The following IGSF21 variants were observed in gnomAD, a reference collection of about 807,000 sequenced individuals.
IGSF21 encodes immunoglobin superfamily member 21.
Under a neutral mutation model 46.8 loss-of-function variants are expected in IGSF21, and 28 were observed. The observed-to-expected ratio is 0.60, with a 90% CI of 0.44 to 0.82. The LOEUF is 0.82. IGSF21 is among the 40% of genes least tolerant of loss of function. The pLI, the probability that IGSF21 is intolerant of heterozygous loss-of-function variation, is 0.00. For synonymous variants in IGSF21, 284 were observed against 273.6 expected, an observed-to-expected ratio of 1.04 and a Z score of -0.38; for missense variants, 624 against 665.5, an observed-to-expected ratio of 0.94 and a Z score of 0.69.
intron 3 of IGSF21, among the ~76,000 whole-genome samples, chr1:18,318,394 C>G (rs1264882404): frequency 1.3e-5 from 2 of 152,170 alleles, no homozygotes; most frequent in South Asian, 2.1e-4. Flanking sequence ...AATGTACCAG[C>G]TTGCTGAGCC....
rs78717155 is a variant in IGSF21 at position 18,342,538 on chromosome 1, C to T, written c.424+7528C>T. The stretch of plus-strand genomic sequence containing the variant: ...ACAATCAATTTTAGAACATTTTCAT[C>T]GTCCTCCAAAGAAACCCTGTACCCA... On this transcript the variant is annotated intron_variant, in intron 4 of 9. Coordinates refer to ENST00000251296, the MANE Select transcript of IGSF21 (RefSeq NM_032880.5). 9.9e-3 allele frequency among the ~76,000 whole-genome samples: 1,511 copies of T among 152,296 alleles called. 14 individuals are homozygous for T. Among genetic ancestry groups the T allele is most frequent in the Non-Finnish European group, 0.015 (1,046 of 68,034 alleles).
chr1:18,246,148 T>G (rs569690923), intron 2 of IGSF21, among the ~76,000 whole-genome samples: 1 of 152,272 alleles, frequency 6.6e-6, no homozygotes, highest in African/African-American at 2.4e-5. Flanking sequence ...ATCCCAGCTC[T>G]GGGGGGTGTG....
At chr1:18,202,940 A>C (rs1046255931) in intron 1 of IGSF21, among the ~76,000 whole-genome samples, 1 of 152,192 alleles carries the variant, frequency 6.6e-6, no homozygotes, top group African/African-American at 2.4e-5. Flanking sequence ...GGCCTGGTCC[A>C]TTAGACCCAT....
intron 2 of IGSF21, among the ~76,000 whole-genome samples, chr1:18,252,052 T>TTG (rs1268007628): frequency 7.5e-6 from 1 of 133,334 alleles, no homozygotes; most frequent in African/African-American, 2.8e-5. Context: ...GGCGTTTTTT[T>TTG]TTTTTTTTTT....
intron 4 of IGSF21, among the ~76,000 whole-genome samples, chr1:18,358,708 C>T (rs10489573): frequency 0.21 from 31,966 of 152,232 alleles, 3,904 homozygotes; most frequent in Non-Finnish European, 0.27. Flanking sequence ...GCAGGCACTA[C>T]GTTACTGAAT....
intron 4 of IGSF21, among the ~76,000 whole-genome samples, chr1:18,338,931 C>T (rs1263083539): frequency 6.6e-6 from 1 of 152,124 alleles, no homozygotes; most frequent in East Asian, 1.9e-4. Flanking sequence ...TGCGCTGTTA[C>T]AATCAATTAG....
At chr1:18,261,282 G>A (rs1445003664) in intron 2 of IGSF21, among the ~76,000 whole-genome samples, 2 of 152,196 alleles carry the variant, frequency 1.3e-5, no homozygotes, top group Non-Finnish European at 2.9e-5. Context: ...GAGAAGAGGA[G>A]ACAGAGAAGA....
intron 3 of IGSF21, among the ~76,000 whole-genome samples, chr1:18,301,016 G>T (rs568838366): frequency 1.6e-4 from 25 of 152,306 alleles, no homozygotes; most frequent in African/African-American, 5.1e-4. Context: ...CGAATCAATG[G>T]GCTGAAGGGT....
chr1:18,245,138 G>C (rs559573331), intron 2 of IGSF21, among the ~76,000 whole-genome samples: 1 of 152,124 alleles, frequency 6.6e-6, no homozygotes, highest in Non-Finnish European at 1.5e-5. Context: ...GTTTTCATAG[G>C]AATGCATTTA....
At chr1:18,375,977 C>T (rs1435949210) in intron 6 of IGSF21, 1 of 255,692 alleles carries the variant, frequency 3.9e-6, no homozygotes. Context: ...CACTGGGCCT[C>T]TCTGATCTTG....
intron 8 of IGSF21, 120 bp downstream of exon 8, chr1:18,377,112 T>C (rs1156687921): frequency 1.1e-5 from 12 of 1,098,306 alleles, no homozygotes; most frequent in Admixed American, 5.6e-5. Context: ...TCTCCCAAAT[T>C]TGCCCTGAGA....
intron 2 of IGSF21, among the ~76,000 whole-genome samples, chr1:18,285,110 T>G (rs377198787): frequency 4.4e-4 from 67 of 152,284 alleles, no homozygotes; most frequent in African/African-American, 1.6e-3. Context: ...TTACAGCTAT[T>G]TCCAACCTGT....
Position 18,296,762 on chromosome 1 carries a change from A to G in IGSF21, c.305+4775A>G, listed in dbSNP as rs371000026. 1.8e-3 allele frequency among the ~76,000 whole-genome samples: 268 copies of G among 152,252 alleles called. 1 individual carries two copies. The highest frequency in any genetic ancestry group is 3.5e-3 in the African/African-American group (146 of 41,544). On this transcript the variant is annotated intron_variant, in intron 3 of 9. Transcript: ENST00000251296. ...CAGCTGTGACCTCCTTGGAGGTCCA[A>G]GTGAATCACAGTGAGGCTTCAACCA...
rs115091631 is a variant in IGSF21, at chr1:18,113,358, A to G, written c.70+5160A>G. The G allele has an allele frequency of 9.1e-4, 138 of 152,188 alleles. 1 individual carries two copies. The highest frequency in any genetic ancestry group is 3.2e-3 in the African/African-American group (132 of 41,514). The allele number at this position is 152,188 out of a possible 1,614,324, so 9.4% of individuals were successfully genotyped here. A position where few individuals can be genotyped will look rare whatever the true frequency, so the allele number is the denominator to read the frequency against. ...AAGACCCCCGGCTAAGATTCCATGG[A>G]TGGAGCAATAAAGGTAGTGTGTATG... On this transcript the variant is annotated intron_variant, in intron 1 of 9. Transcript: ENST00000251296.
At chr1:18,340,120 C>T (rs891655684) in intron 4 of IGSF21, among the ~76,000 whole-genome samples, 1 of 152,112 alleles carries the variant, frequency 6.6e-6, no homozygotes, top group Non-Finnish European at 1.5e-5. Flanking sequence ...TGCATTTATT[C>T]ATTTGTGTGT....
At position 18,378,239 on chromosome 1, in the gene IGSF21, C is replaced by A; in HGVS notation, c.1334-17C>A. 1 of 1,613,030 alleles carries A rather than the reference C, an allele frequency of 6.2e-7. No homozygotes were observed. Among genetic ancestry groups the A allele is most frequent in the South Asian group, 1.1e-5 (1 of 91,028 alleles). ...TGGGTCTGCAGGCTCTGACCCTTTC[C>A]CTGATTCCTGGCACAGGTTCCATTG... On this transcript the variant is annotated splice_polypyrimidine_tract_variant and intron_variant, in intron 9 of 9. Coordinates refer to ENST00000251296, the MANE Select transcript of IGSF21 (RefSeq NM_032880.5).
intron 1 of IGSF21, among the ~76,000 whole-genome samples, chr1:18,144,498 T>G (rs2086448262): frequency 6.6e-6 from 1 of 152,076 alleles, no homozygotes; most frequent in Non-Finnish European, 1.5e-5. Context: ...TTCCTTCCAT[T>G]TATTCCTCTG....
chr1:18,151,923 T>G, intron 1 of IGSF21, among the ~76,000 whole-genome samples: 1 of 152,268 alleles, frequency 6.6e-6, no homozygotes, highest in African/African-American at 2.4e-5. Context: ...CTCTGAACAC[T>G]GGGTTTCAAG....
At chr1:18,281,518 A>G (rs1385851786) in intron 2 of IGSF21, among the ~76,000 whole-genome samples, 1 of 151,020 alleles carries the variant, frequency 6.6e-6, no homozygotes, top group Admixed American at 6.6e-5. Flanking sequence ...GTGAGCTGAC[A>G]TGGTGCCGCT....
Sources: gnomAD v4.1 joint callset for allele counts (sites outside exome capture counted in the v4.1 genomes callset) on GRCh38, gnomAD v4.1.1 for gene constraint, MANE v1.5 for transcripts, NCBI Gene and HGNC (gene_info 2026-07-23, HGNC 2026-07-21) for gene names.